The following PTPRT variants were observed in gnomAD, a reference collection of about 807,000 sequenced individuals.
The protein encoded by PTPRT is receptor-type tyrosine-protein phosphatase T.
A neutral mutation model predicts 176.8 loss-of-function variants in PTPRT; 56 were observed. That is an observed-to-expected ratio of 0.32 (90% CI 0.26 to 0.40). PTPRT has a LOEUF of 0.40. Ranked by LOEUF, PTPRT falls within the 10% of genes least tolerant of loss-of-function variation. The pLI, the probability that PTPRT is intolerant of heterozygous loss-of-function variation, is 1.00. For missense variants in PTPRT, 1,540 were observed against 1,908.2 expected (o/e 0.81, Z 3.60); for synonymous variants, 783 against 739.0 (o/e 1.06, Z -0.96).
chr20:43,127,025 T>C (rs920961539), intron 1 of PTPRT, among the ~76,000 whole-genome samples: 4 of 152,142 alleles, frequency 2.6e-5, no homozygotes, highest in African/African-American at 9.7e-5. Flanking sequence ...GAAATGGAAA[T>C]AAGGCAAGGG....
intron 2 of PTPRT, among the ~76,000 whole-genome samples, chr20:42,830,932 A>T (rs1416132337): frequency 6.6e-6 from 1 of 152,358 alleles, no homozygotes; most frequent in East Asian, 1.9e-4. Flanking sequence ...TGCTCATGAT[A>T]GGAAGAATTA....
At chr20:42,733,283 C>A (rs536973415) in intron 6 of PTPRT, among the ~76,000 whole-genome samples, 1 of 152,262 alleles carries the variant, frequency 6.6e-6, no homozygotes, top group African/African-American at 2.4e-5. Flanking sequence ...GGGTTTATGT[C>A]CCTTTAGACG....
intron 7 of PTPRT, among the ~76,000 whole-genome samples, chr20:42,608,680 G>T (rs2073924160): frequency 6.6e-6 from 1 of 152,166 alleles, no homozygotes; most frequent in Admixed American, 6.5e-5. Context: ...CACGCCTCGT[G>T]CTTGGGCTGG....
rs186857871 is a variant in PTPRT, at chr20:42,539,525, T to G, written c.1154-66963A>C. On this transcript the variant is annotated intron_variant, in intron 7 of 30. Coordinates refer to ENST00000373187, the MANE Select transcript of PTPRT (RefSeq NM_007050.6). ...TCTCCCCACTAGACTTGTCTTAGTC[T>G]AGGTTTCACATTTCTCATCAGACAC... 3.3e-4 allele frequency among the ~76,000 whole-genome samples: 50 copies of G among 152,072 alleles called. 1 individual carries two copies. The highest frequency in any genetic ancestry group is 1.2e-3 in the African/African-American group (48 of 41,498).
Position 42,691,409 on chromosome 20 carries a change from T to TA in PTPRT, c.860-13251_860-13250insT, listed in dbSNP as rs1459041129. ...TTGTTATTTTGCAAATTCTTCTCCT[T>TA]GGCCTATCCCTATGTGCAAGGGGGG... is the stretch of plus-strand genomic sequence containing the variant. On this transcript the variant is annotated intron_variant, in intron 6 of 30. Transcript: ENST00000373187. Among the ~76,000 whole-genome samples the TA allele has an allele frequency of 8.5e-5, 13 of 152,220 alleles. No individual in the cohort carries two copies. In the East Asian group the frequency reaches 2.5e-3, roughly 29 times the overall value.
chr20:42,810,124 C>T (rs185763533), intron 2 of PTPRT, among the ~76,000 whole-genome samples: 3 of 152,032 alleles, frequency 2.0e-5, no homozygotes, highest in African/African-American at 4.8e-5. Context: ...GAAACCCCAT[C>T]GCTACTAAAA....
At chr20:42,932,338 C>G (rs73907407) in intron 1 of PTPRT, among the ~76,000 whole-genome samples, 4,202 of 152,322 alleles carry the variant, frequency 0.028, 119 homozygotes, top group African/African-American at 0.074. Context: ...ACCAAGAGAT[C>G]AGGGTCTGGC....
intron 7 of PTPRT, among the ~76,000 whole-genome samples, chr20:42,657,791 A>G (rs1356336807): frequency 6.6e-6 from 1 of 152,136 alleles, no homozygotes; most frequent in African/African-American, 2.4e-5. Flanking sequence ...TTTTGCTTCC[A>G]TTTGCATATT....
At chr20:42,361,634 A>T (rs1600891528) in intron 9 of PTPRT, among the ~76,000 whole-genome samples, 1 of 152,114 alleles carries the variant, frequency 6.6e-6, no homozygotes, top group East Asian at 1.9e-4. Flanking sequence ...CCCTGTGTAG[A>T]TGCTCTAGAT....
intron 6 of PTPRT, among the ~76,000 whole-genome samples, chr20:42,721,146 A>ATTAC (rs1276540315): frequency 1.3e-5 from 2 of 152,218 alleles, no homozygotes; most frequent in African/African-American, 4.8e-5. Flanking sequence ...TTCAAGGGTA[A>ATTAC]CTTCATGAAC....
At chr20:43,051,005 T>C (rs1055661587) in intron 1 of PTPRT, among the ~76,000 whole-genome samples, 11 of 152,174 alleles carry the variant, frequency 7.2e-5, no homozygotes, top group Non-Finnish European at 1.5e-4. Context: ...GAATGACAAA[T>C]TGTACAAGTG....
At chr20:42,887,368 C>G (rs1164071333) in intron 1 of PTPRT, among the ~76,000 whole-genome samples, 2 of 152,198 alleles carry the variant, frequency 1.3e-5, no homozygotes, top group African/African-American at 4.8e-5. Context: ...GAAGCAGGAG[C>G]TGGGCCCTCA....
At chr20:42,694,570 A>AGTT (rs1310888912) in intron 6 of PTPRT, among the ~76,000 whole-genome samples, 3 of 152,112 alleles carry the variant, frequency 2.0e-5, no homozygotes, top group African/African-American at 7.2e-5. Context: ...AATTCCTTGG[A>AGTT]GTTCAATCTC....
chr20:42,544,511 C>T (rs1237547583), intron 7 of PTPRT, among the ~76,000 whole-genome samples: 1 of 152,192 alleles, frequency 6.6e-6, no homozygotes, highest in Non-Finnish European at 1.5e-5. Context: ...ACCACTCAAA[C>T]TCTCTATGTA....
chr20:42,534,274 C>T (rs1453366487), intron 7 of PTPRT, among the ~76,000 whole-genome samples: 1 of 152,164 alleles, frequency 6.6e-6, no homozygotes, highest in Non-Finnish European at 1.5e-5. Context: ...CCTTGGCAAA[C>T]AGATACCAGC....
chr20:42,643,915 TCTC>T (rs936412990), intron 7 of PTPRT, among the ~76,000 whole-genome samples: 11 of 151,282 alleles, frequency 7.3e-5, no homozygotes, highest in Non-Finnish European at 1.3e-4. Context: ...TATGGCTCCT[TCTC>T]CTTCTTTGAC....
At chr20:43,002,551 A>C (rs1036020593) in intron 1 of PTPRT, among the ~76,000 whole-genome samples, 2 of 152,190 alleles carry the variant, frequency 1.3e-5, no homozygotes, top group African/African-American at 4.8e-5. Flanking sequence ...TACAGTCTCC[A>C]TTTACACTAC....
At chr20:42,310,923 G>A (rs940262441) in intron 12 of PTPRT, among the ~76,000 whole-genome samples, 2 of 152,102 alleles carry the variant, frequency 1.3e-5, no homozygotes, top group Non-Finnish European at 2.9e-5. Context: ...CAAGAACCCT[G>A]AGCAACATAT....
chr20:42,665,080 A>G (rs1346336760), intron 7 of PTPRT, among the ~76,000 whole-genome samples: 1 of 152,130 alleles, frequency 6.6e-6, no homozygotes, highest in African/African-American at 2.4e-5. Context: ...AATGGCAACA[A>G]AAGCCAAAAT....
Sources: allele counts gnomAD v4.1 joint callset (sites outside exome capture counted in the v4.1 genomes callset), GRCh38; gene constraint gnomAD v4.1.1; transcripts MANE v1.5; gene names NCBI Gene and HGNC (gene_info 2026-07-23, HGNC 2026-07-21).